CCDC138: variants seen among roughly 807,000 people sequenced by gnomAD.
CCDC138 encodes the protein coiled-coil domain-containing protein 138.
In CCDC138, 66 loss-of-function variants were observed where a neutral mutation model predicts 82.3. That is an observed-to-expected ratio of 0.80 (90% CI 0.66 to 0.98). The LOEUF is 0.98. CCDC138 is among the 50% of genes least tolerant of loss of function. CCDC138 has a pLI of 0.00. For missense variants in CCDC138, 816 were observed against 758.9 expected (o/e 1.08, Z -0.88); for synonymous variants, 297 against 265.4 (o/e 1.12, Z -1.16).
At chr2:108,834,992 A>G (rs1181278023) in intron 10 of CCDC138, among the ~76,000 whole-genome samples, 1 of 152,250 alleles carries the variant, frequency 6.6e-6, no homozygotes, top group African/African-American at 2.4e-5. Flanking sequence ...TTGAAGTCAA[A>G]TGGATCTTGA....
chr2:108,791,985 ACTT>A (rs1359068222), intron 4 of CCDC138, among the ~76,000 whole-genome samples, 183 bp downstream of exon 4: 1 of 152,176 alleles, frequency 6.6e-6, no homozygotes, highest in Non-Finnish European at 1.5e-5. Flanking sequence ...AGAAAATTAA[ACTT>A]CATTATTTTT....
At chr2:108,868,774 A>G (rs927720029) in intron 13 of CCDC138, among the ~76,000 whole-genome samples, 1 of 152,170 alleles carries the variant, frequency 6.6e-6, no homozygotes, top group Admixed American at 6.5e-5. Context: ...AATAAATACT[A>G]AGAACATTTT....
chr2:108,819,516 T>C (rs1427301277), intron 10 of CCDC138, among the ~76,000 whole-genome samples: 1 of 152,172 alleles, frequency 6.6e-6, no homozygotes, highest in East Asian at 1.9e-4. Flanking sequence ...AGATCTGCAC[T>C]TCTGCTGGAA....
chr2:108,880,346 A>G (rs543185705), downstream of CCDC138, among the ~76,000 whole-genome samples: 1 of 152,342 alleles, frequency 6.6e-6, no homozygotes, highest in Admixed American at 6.5e-5. Context: ...GTTCTTCCCA[A>G]CTTGATCTAT....
At chr2:108,864,452 C>T (rs1694093821) in intron 13 of CCDC138, among the ~76,000 whole-genome samples, 1 of 152,056 alleles carries the variant, frequency 6.6e-6, no homozygotes, top group Admixed American at 6.6e-5. Context: ...TGCTTGATCC[C>T]AGGAGTTTGA....
At chr2:108,843,377 C>T (rs1307503546) in intron 11 of CCDC138, among the ~76,000 whole-genome samples, 9 of 152,102 alleles carry the variant, frequency 5.9e-5, no homozygotes, top group East Asian at 1.9e-4. Flanking sequence ...AGGCTGGTCT[C>T]GAACTCCTGA....
chr2:108,876,135 A>G lies in CCDC138; in HGVS notation c.1880A>G (p.Gln627Arg), dbSNP rs780515333. Residue 627 changes from glutamine (Q) to arginine (R), a missense_variant, in exon 15 of 15, where the codon CAA becomes CGA. Transcript: ENST00000295124. ...FELFTIHLML[Q>R]EIQRTTNPEH... ...CTTTTTACGATTCATCTGATGCTTCAAGAAATACAAAGGACAACAAACCCA... is the reference window on the plus strand; with the variant it reads ...CTTTTTACGATTCATCTGATGCTTCGAGAAATACAAAGGACAACAAACCCA... 2 of 1,608,676 alleles carry G rather than the reference A, an allele frequency of 1.2e-6. No individual in the cohort carries two copies. The highest frequency in any genetic ancestry group is 1.7e-6 in the Non-Finnish European group (2 of 1,175,196).
rs560281250 is a variant in CCDC138 at position 108,829,280 on chromosome 2, C to CA, written c.1207-9899dup. Among the ~76,000 whole-genome samples, 484 of 152,074 alleles carry CA rather than the reference C, an allele frequency of 3.2e-3. 2 individuals carry two copies. Among genetic ancestry groups the CA allele is most frequent in the African/African-American group, 0.011 (442 of 41,478 alleles). On this transcript the variant is annotated intron_variant, in intron 10 of 14. Transcript: ENST00000295124. ...TATATAAGGAACTCCTTCAACTCAGCAAAAAACAAAACCAAAAAGACCCTA... is the reference window on the plus strand; with the variant it reads ...TATATAAGGAACTCCTTCAACTCAGCAAAAAAACAAAACCAAAAAGACCCTA...
At chr2:108,797,233 G>A (rs1681059400) in intron 5 of CCDC138, among the ~76,000 whole-genome samples, 1 of 152,186 alleles carries the variant, frequency 6.6e-6, no homozygotes, top group South Asian at 2.1e-4. Context: ...AGTGACAGTA[G>A]AGGAAGCAGA....
chr2:108,834,441 C>G (rs1211240421), intron 10 of CCDC138, among the ~76,000 whole-genome samples: 7 of 151,284 alleles, frequency 4.6e-5, no homozygotes. Context: ...TATTGAACAG[C>G]TGACCTTAGG....
At chr2:108,845,571 ATTTT>A (rs11345346) in intron 11 of CCDC138, among the ~76,000 whole-genome samples, 5 of 111,704 alleles carry the variant, frequency 4.5e-5, no homozygotes, top group Admixed American at 9.3e-5. Context: ...CTTTCATTTG[ATTTT>A]TTTTTTTTTT....
At chr2:108,808,966 T>G (rs746399132) in intron 7 of CCDC138, among the ~76,000 whole-genome samples, 1 of 152,226 alleles carries the variant, frequency 6.6e-6, no homozygotes, top group Non-Finnish European at 1.5e-5. Flanking sequence ...TATTTCAAAG[T>G]CTTTAATCCA....
chr2:108,864,828 G>T (rs61622245), intron 13 of CCDC138, among the ~76,000 whole-genome samples: 106,715 of 150,330 alleles, frequency 0.71, 40,877 homozygotes, highest in East Asian at 0.9. Context: ...TGGCATAATG[G>T]TGTGCACTTG....
In CCDC138 at chr2:108,876,261, A is replaced by G. The variant is rs1034460653; in HGVS notation, c.*8A>G. On this transcript the variant is annotated 3_prime_UTR_variant, in exon 15 of 15. Coordinates refer to ENST00000295124, the MANE Select transcript of CCDC138 (RefSeq NM_144978.3). ...TCCAGTGCAAGCCCTTAGACTGGCT[A>G]ATTTTTTAATATAGTATATGTGGTG... 5.2e-6 allele frequency: 8 copies of G among 1,535,828 alleles called. No homozygotes were observed. Among genetic ancestry groups the G allele is most frequent in the Non-Finnish European group, 7.1e-6 (8 of 1,127,428 alleles).
At chr2:108,789,170 C>G (rs1573895577) in intron 3 of CCDC138, among the ~76,000 whole-genome samples, 1 of 152,078 alleles carries the variant, frequency 6.6e-6, no homozygotes, top group East Asian at 1.9e-4. Flanking sequence ...ATAGACCTAG[C>G]ATTATATTTA....
At chr2:108,849,019 A>G (rs1042573963) in intron 12 of CCDC138, among the ~76,000 whole-genome samples, 1 of 152,212 alleles carries the variant, frequency 6.6e-6, no homozygotes, top group African/African-American at 2.4e-5. Context: ...GTAAGGGGAT[A>G]CATGGAAGAT....
downstream of CCDC138, among the ~76,000 whole-genome samples, chr2:108,879,873 T>G (rs2105343880): frequency 6.6e-6 from 1 of 152,214 alleles, no homozygotes; most frequent in South Asian, 2.1e-4. Context: ...ACCTTCAAAT[T>G]TATTGGAATA....
At chr2:108,822,008 A>G (rs1685787128) in intron 10 of CCDC138, among the ~76,000 whole-genome samples, 1 of 152,044 alleles carries the variant, frequency 6.6e-6, no homozygotes, top group Non-Finnish European at 1.5e-5. Flanking sequence ...AAAACTAACT[A>G]GAGTGGCTGA....
At chr2:108,856,457 G>T (rs1327529059) in intron 12 of CCDC138, among the ~76,000 whole-genome samples, 1 of 152,132 alleles carries the variant, frequency 6.6e-6, no homozygotes, top group African/African-American at 2.4e-5. Context: ...CTAAGTTTTT[G>T]GAAGCATGTA....
Sources: gnomAD v4.1 joint callset for allele counts (sites outside exome capture counted in the v4.1 genomes callset) on GRCh38, gnomAD v4.1.1 for gene constraint, MANE v1.5 for transcripts, NCBI Gene and HGNC (gene_info 2026-07-23, HGNC 2026-07-21) for gene names.